The following GMDS variants were observed in gnomAD, a reference collection of about 807,000 sequenced individuals.
GMDS encodes the protein GDP-mannose 4,6-dehydratase.
A neutral mutation model predicts 49.9 loss-of-function variants in GMDS; 20 were observed. The observed-to-expected ratio is 0.40, with a 90% confidence interval of 0.28 to 0.58. The LOEUF (loss-of-function observed/expected upper bound fraction) is 0.58. Ranked by LOEUF, GMDS falls within the 20% of genes least tolerant of loss-of-function variation. The probability of loss-of-function intolerance (pLI) is 0.42; values close to 1 mark genes in which losing one functional copy is unlikely to be tolerated. For missense variants in GMDS, 362 were observed against 481.4 expected (o/e 0.75, Z 2.32); for synonymous variants, 177 against 178.6 (o/e 0.99, Z 0.07).
At chr6:2,098,415 T>G (rs959707154) in intron 4 of GMDS, among the ~76,000 whole-genome samples, 1 of 152,232 alleles carries the variant, frequency 6.6e-6, no homozygotes, top group African/African-American at 2.4e-5. Context: ...ATAAAGAAAG[T>G]AATCTACTTG....
intron 4 of GMDS, among the ~76,000 whole-genome samples, chr6:1,986,332 A>G (rs1253682467): frequency 6.6e-6 from 1 of 152,160 alleles, no homozygotes; most frequent in Non-Finnish European, 1.5e-5. Flanking sequence ...ATACGAAAAC[A>G]GTGTGCTTCC....
chr6:1,683,370 G>A (rs60670198), intron 9 of GMDS, among the ~76,000 whole-genome samples: 74 of 152,146 alleles, frequency 4.9e-4, no homozygotes, highest in African/African-American at 1.8e-3. Flanking sequence ...TGATTTGTCC[G>A]CCTCGGCCTC....
At chr6:2,097,179 C>G (rs1773651759) in intron 4 of GMDS, among the ~76,000 whole-genome samples, 1 of 152,040 alleles carries the variant, frequency 6.6e-6, no homozygotes, top group African/African-American at 2.4e-5. Context: ...GAAGCTGTTA[C>G]AGATCACTGA....
chr6:1,903,236 C>T (rs1760591097), intron 7 of GMDS, among the ~76,000 whole-genome samples: 1 of 152,152 alleles, frequency 6.6e-6, no homozygotes, highest in Non-Finnish European at 1.5e-5. Flanking sequence ...TAAAATTTAA[C>T]TTTAAAGTCA....
At chr6:2,160,718 G>T (rs1053341010) in intron 1 of GMDS, among the ~76,000 whole-genome samples, 5 of 151,942 alleles carry the variant, frequency 3.3e-5, no homozygotes, top group Non-Finnish European at 4.4e-5. Context: ...TGTAGAGATG[G>T]AATTTCACCA....
At chr6:1,943,475 T>C (rs559625916) in intron 6 of GMDS, among the ~76,000 whole-genome samples, 6 of 152,202 alleles carry the variant, frequency 3.9e-5, no homozygotes, top group Non-Finnish European at 8.8e-5. Flanking sequence ...ATATAACACA[T>C]GATAGGTGTT....
chr6:1,843,275 G>T (rs528594538), intron 7 of GMDS, among the ~76,000 whole-genome samples: 2 of 152,268 alleles, frequency 1.3e-5, no homozygotes, highest in South Asian at 4.2e-4. Flanking sequence ...CCCTCAGATT[G>T]GCAGTAGGTG....
intron 1 of GMDS, among the ~76,000 whole-genome samples, chr6:2,133,650 T>G (rs191599478): frequency 1.3e-5 from 2 of 152,186 alleles, no homozygotes; most frequent in Non-Finnish European, 2.9e-5. Context: ...CAGGAAACAT[T>G]GTAAATCACT....
intron 7 of GMDS, among the ~76,000 whole-genome samples, chr6:1,775,749 G>T (rs1768776086): frequency 6.6e-6 from 1 of 152,154 alleles, no homozygotes; most frequent in African/African-American, 2.4e-5. Flanking sequence ...AACTTCTGTG[G>T]CTTGGAGTTC....
At chr6:2,190,792 A>C (rs1041563688) in intron 1 of GMDS, among the ~76,000 whole-genome samples, 3 of 152,140 alleles carry the variant, frequency 2.0e-5, no homozygotes, top group Middle Eastern at 3.2e-3. Context: ...ACGGCAGGGG[A>C]GGCGTGGGTG....
At chr6:1,656,523 G>A (rs1223944001) in intron 9 of GMDS, among the ~76,000 whole-genome samples, 1 of 152,092 alleles carries the variant, frequency 6.6e-6, no homozygotes, top group Non-Finnish European at 1.5e-5. Flanking sequence ...CAGCACTTTG[G>A]GAGGCTGAAG....
intron 1 of GMDS, among the ~76,000 whole-genome samples, chr6:2,237,240 A>T (rs946801830): frequency 2.6e-5 from 4 of 152,242 alleles, no homozygotes; most frequent in Non-Finnish European, 5.9e-5. Context: ...TACTTATGGT[A>T]AGTCACAAGA....
At chr6:2,162,169 A>G (rs564336644) in intron 1 of GMDS, among the ~76,000 whole-genome samples, 1 of 152,314 alleles carries the variant, frequency 6.6e-6, no homozygotes, top group South Asian at 2.1e-4. Context: ...TCCAATGCCT[A>G]TTTTAAAAAT....
intron 3 of GMDS, among the ~76,000 whole-genome samples, chr6:2,116,227 A>G (rs1361696783): frequency 6.6e-6 from 1 of 151,616 alleles, no homozygotes; most frequent in Non-Finnish European, 1.5e-5. Flanking sequence ...AAAACCTTGT[A>G]ATAACATGTA....
chr6:1,789,106 C>A (rs891877959), intron 7 of GMDS, among the ~76,000 whole-genome samples: 3 of 152,244 alleles, frequency 2.0e-5, no homozygotes, highest in African/African-American at 7.2e-5. Context: ...AAGGATACAA[C>A]TCAGGACCAG....
chr6:1,858,845 TAAG>T (rs1211605700), intron 7 of GMDS, among the ~76,000 whole-genome samples: 1 of 152,208 alleles, frequency 6.6e-6, no homozygotes, highest in East Asian at 1.9e-4. Context: ...ACTGTCTACA[TAAG>T]AAGTTACAAT....
At chr6:2,085,324 G>A (rs1452229253) in intron 4 of GMDS, among the ~76,000 whole-genome samples, 4 of 151,558 alleles carry the variant, frequency 2.6e-5, no homozygotes, top group Non-Finnish European at 5.9e-5. Context: ...ATCACCTGTG[G>A]CTTTTTAGTA....
At chr6:1,853,622 A>G (rs115350828) in intron 7 of GMDS, among the ~76,000 whole-genome samples, 4,176 of 152,196 alleles carry the variant, frequency 0.027, 186 homozygotes, top group African/African-American at 0.095. Context: ...GGCAAGACAT[A>G]AAACATTATT....
chr6:2,079,481 G>A lies in GMDS; in HGVS notation c.345+36290C>T, dbSNP rs114485720. Among the ~76,000 whole-genome samples the A allele has an allele frequency of 4.8e-3, 726 of 152,088 alleles. 1 individual carries two copies. The highest frequency in any genetic ancestry group is 0.01 in the Middle Eastern group (3 of 294). On this transcript the variant is annotated intron_variant, in intron 4 of 10. Coordinates refer to ENST00000380815, the MANE Select transcript of GMDS (RefSeq NM_001500.4). ...TTACACATTCATAAGTTTTCATGAT[G>A]GTAAATGTAGTCATTTTGCTCCCAG...
Sources: gnomAD v4.1 joint callset for allele counts (sites outside exome capture counted in the v4.1 genomes callset) on GRCh38, gnomAD v4.1.1 for gene constraint, MANE v1.5 for transcripts, NCBI Gene and HGNC (gene_info 2026-07-23, HGNC 2026-07-21) for gene names.